ANK3: variants seen among roughly 807,000 people sequenced by gnomAD.
ANK3 encodes the protein ankyrin 3, also known as ankyrin-3.
ANK3 carries 57 observed loss-of-function variants against 370.9 expected under a neutral mutation model. That is an observed-to-expected ratio of 0.15 (90% CI 0.12 to 0.19). ANK3 has a LOEUF of 0.19. ANK3 is among the 10% of genes least tolerant of loss of function. ANK3 has a pLI of 1.00. For missense variants in ANK3, 4,439 were observed against 5,302.1 expected, an observed-to-expected ratio of 0.84 and a Z score of 5.06; for synonymous variants, 1,929 against 1,946.3, an observed-to-expected ratio of 0.99 and a Z score of 0.23.
intron 1 of ANK3, among the ~76,000 whole-genome samples, chr10:60,320,060 C>T (rs2048300305): frequency 6.6e-6 from 1 of 152,178 alleles, no homozygotes; most frequent in Non-Finnish European, 1.5e-5. Flanking sequence ...AAACTTGTTT[C>T]TCCTCAGTTC....
At chr10:60,661,386 C>G (rs2078933986) in intron 1 of ANK3, among the ~76,000 whole-genome samples, 1 of 151,844 alleles carries the variant, frequency 6.6e-6, no homozygotes, top group Non-Finnish European at 1.5e-5. Context: ...TTTCTTTTTC[C>G]CTCTACCAAG....
At chr10:60,252,403 A>G (rs149889531) in intron 7 of ANK3, among the ~76,000 whole-genome samples, 2 of 152,298 alleles carry the variant, frequency 1.3e-5, no homozygotes, top group East Asian at 3.9e-4. Flanking sequence ...TTTTCACTGA[A>G]TGGGGGAAAT....
At chr10:60,427,463 G>T (rs1275614169) in intron 2 of ANK3, among the ~76,000 whole-genome samples, 1 of 151,818 alleles carries the variant, frequency 6.6e-6, no homozygotes, top group African/African-American at 2.4e-5. Flanking sequence ...AAACCAGAAA[G>T]TGGTTCTTTT....
intron 25 of ANK3, among the ~76,000 whole-genome samples, chr10:60,130,554 G>T (rs187798392): frequency 6.6e-6 from 1 of 152,114 alleles, no homozygotes. Flanking sequence ...CTTCTTTCAC[G>T]CTTTCCAACA....
chr10:60,293,159 T>G (rs2041811916), intron 1 of ANK3, among the ~76,000 whole-genome samples: 1 of 152,250 alleles, frequency 6.6e-6, no homozygotes, highest in Admixed American at 6.5e-5. Flanking sequence ...AAATCCTTGA[T>G]GCATAATCTA....
rs562245492 is a variant in ANK3, at chr10:60,726,212, A to AT, written c.57+7050dup. The stretch of plus-strand genomic sequence containing the variant: ...GGATGTGATTACTTTAATCCTTCAT[A>AT]TAAAAAAAAACAGACACAGTTAGGT... On this transcript the variant is annotated intron_variant, in intron 1 of 43. Coordinates refer to the ANK3 transcript ENST00000373827. Among the ~76,000 whole-genome samples, 10 of 152,160 alleles carry AT rather than the reference A, an allele frequency of 6.6e-5. No individual in the cohort carries two copies. The South Asian group carries it at 1.7e-3, about 25-fold the overall frequency.
At chr10:60,306,942 C>A (rs913384899) in intron 1 of ANK3, among the ~76,000 whole-genome samples, 2 of 152,088 alleles carry the variant, frequency 1.3e-5, no homozygotes, top group Non-Finnish European at 2.9e-5. Flanking sequence ...GTTGCCTAGA[C>A]TGGTCTCAAA....
intron 43 of ANK3, among the ~76,000 whole-genome samples, chr10:60,033,514 CAAAAA>C (rs537623584): frequency 9.9e-5 from 5 of 50,658 alleles, no homozygotes; most frequent in Admixed American, 2.2e-4. Flanking sequence ...GACTCAGTCT[CAAAAA>C]AAAAAAAAAA....
intron 8 of ANK3, among the ~76,000 whole-genome samples, chr10:60,229,376 TC>T (rs1255647979): frequency 6.6e-6 from 1 of 152,248 alleles, no homozygotes; most frequent in Non-Finnish European, 1.5e-5. Flanking sequence ...GAGAGACTAT[TC>T]TATGACTTTG....
intron 1 of ANK3, among the ~76,000 whole-genome samples, chr10:60,285,009 T>C (rs953955553): frequency 6.6e-6 from 1 of 152,060 alleles, no homozygotes; most frequent in Admixed American, 6.6e-5. Context: ...AAAGTTTCCT[T>C]CCACTTTTCT....
intron 27 of ANK3, 72 bp from the exon 28 acceptor site, chr10:60,106,131 C>T (rs771772895): frequency 8.1e-6 from 11 of 1,352,408 alleles, no homozygotes; most frequent in Admixed American, 5.6e-5. Flanking sequence ...AAAAATGTTT[C>T]GTTAACAGTA....
Position 60,300,312 on chromosome 10 carries a change from T to C in ANK3, c.115-20673A>G, listed in dbSNP as rs549850529. The C allele has an allele frequency of 1.6e-5, 20 of 1,265,644 alleles. No homozygotes were observed. The African/African-American group carries it at 2.9e-4, about 18-fold the overall frequency. 78.4% of individuals were successfully genotyped at this position (1,265,644 alleles called of 1,614,324 possible). ...GTACATTTCATTTAGGAGCTGTAAA[T>C]GCTTACTTGTTCTGGGAAGCTCTCT... is the stretch of plus-strand genomic sequence containing the variant. On this transcript the variant is annotated intron_variant, in intron 1 of 43. Transcript: ENST00000280772.
chr10:60,349,830 T>C (rs1426167937), intron 1 of ANK3, among the ~76,000 whole-genome samples: 1 of 152,180 alleles, frequency 6.6e-6, no homozygotes, highest in Admixed American at 6.5e-5. Flanking sequence ...AACATGGGTC[T>C]CTGGACAAGT....
chr10:60,371,207 C>A (rs1189907501), intron 1 of ANK3, among the ~76,000 whole-genome samples: 2 of 152,030 alleles, frequency 1.3e-5, no homozygotes, highest in African/African-American at 4.8e-5. Context: ...GTAGATGTGC[C>A]CCTTCATAAG....
chr10:60,423,680 C>T (rs1421330770), intron 2 of ANK3, among the ~76,000 whole-genome samples: 2 of 151,992 alleles, frequency 1.3e-5, no homozygotes, highest in Admixed American at 1.3e-4. Flanking sequence ...AGCATTTTCT[C>T]TCTTAAATAA....
At chr10:60,153,737 ATCT>A (rs1359812383) in intron 23 of ANK3, among the ~76,000 whole-genome samples, 3 of 152,166 alleles carry the variant, frequency 2.0e-5, no homozygotes, top group African/African-American at 7.2e-5. Flanking sequence ...CAGTCCACAG[ATCT>A]TCTTCTTTAG....
intron 2 of ANK3, among the ~76,000 whole-genome samples, chr10:60,460,436 T>C (rs997944161): frequency 6.6e-6 from 1 of 152,128 alleles, no homozygotes; most frequent in African/African-American, 2.4e-5. Flanking sequence ...ACAGATACAT[T>C]TTTCCTAAGT....
At chr10:60,307,981 T>C (rs1431455197) in intron 1 of ANK3, among the ~76,000 whole-genome samples, 7 of 152,210 alleles carry the variant, frequency 4.6e-5, no homozygotes, top group Admixed American at 2.6e-4. Context: ...CCTGAAAACT[T>C]GTAGTAACAA....
intron 25 of ANK3, among the ~76,000 whole-genome samples, chr10:60,118,604 CA>C (rs2093270534): frequency 6.6e-6 from 1 of 152,176 alleles, no homozygotes; most frequent in Non-Finnish European, 1.5e-5. Context: ...CCCAAACCAA[CA>C]AACCTTCAGA....
Sources: gnomAD v4.1 joint callset for allele counts (sites outside exome capture counted in the v4.1 genomes callset) on GRCh38, gnomAD v4.1.1 for gene constraint, MANE v1.5 for transcripts, NCBI Gene and HGNC (gene_info 2026-07-23, HGNC 2026-07-21) for gene names.